The following LIPA variants were observed in gnomAD, a reference collection of about 807,000 sequenced individuals.
The protein encoded by LIPA is lysosomal acid lipase/cholesteryl ester hydrolase.
Under a neutral mutation model 40.6 loss-of-function variants are expected in LIPA, and 26 were observed. The ratio of observed to expected loss-of-function variants is 0.64; its 90% confidence interval spans 0.47 to 0.89. LIPA has a LOEUF of 0.89. Among genes scored for constraint, LIPA ranks in the 40% least tolerant of loss-of-function variants. LIPA has a pLI of 0.00. For synonymous variants in LIPA, 188 were observed against 168.4 expected, an observed-to-expected ratio of 1.12 and a Z score of -0.90; for missense variants, 455 against 479.6, an observed-to-expected ratio of 0.95 and a Z score of 0.48.
At chr10:89,223,015 C>T (rs550628758) in intron 7 of LIPA, among the ~76,000 whole-genome samples, 5 of 151,808 alleles carry the variant, frequency 3.3e-5, no homozygotes, top group Non-Finnish European at 5.9e-5. Context: ...TTTAGAAACA[C>T]GGGCATAGTA....
intron 1 of LIPA, chr10:89,338,437 G>A (rs1843783130): frequency 1.9e-6 from 1 of 529,594 alleles, no homozygotes; most frequent in Admixed American, 3.3e-5. Context: ...TCAACAGAAT[G>A]GATAATGCCC....
Position 89,229,860 on chromosome 10 carries a change from AG to A in LIPA, c.230-1463del, listed in dbSNP as rs571237910. ...CCACTCTGTGAGGGATGTTCATAAC[AG>A]GGGAGTGTGGGGGCAGAGGGTGTAT... is the stretch of plus-strand genomic sequence containing the variant. On this transcript the variant is annotated intron_variant, in intron 3 of 9. Coordinates refer to ENST00000336233, the MANE Select transcript of LIPA (RefSeq NM_000235.4). Among the ~76,000 whole-genome samples the A allele has an allele frequency of 1.8e-4, 28 of 152,284 alleles. 1 individual carries two copies. The East Asian group carries it at 5.0e-3, about 27-fold the overall frequency.
intron 1 of LIPA, among the ~76,000 whole-genome samples, chr10:89,248,114 C>T (rs1212035901): frequency 1.3e-5 from 2 of 151,408 alleles, no homozygotes; most frequent in Non-Finnish European, 2.9e-5. Context: ...ATTCGCCCAC[C>T]TCGGCCTCTC....
At chr10:89,299,615 C>T (rs1168200679) in intron 1 of LIPA, among the ~76,000 whole-genome samples, 1 of 152,112 alleles carries the variant, frequency 6.6e-6, no homozygotes. Flanking sequence ...GGAAAAGCAT[C>T]TCATCACCTA....
chr10:89,226,876 A>C lies in LIPA; in HGVS notation c.538+19T>G, dbSNP rs1482963649. 7.5e-7 allele frequency: 1 copy of C among 1,334,054 alleles called. No individual in the cohort carries two copies. The allele number at this position is 1,334,054 out of a possible 1,614,324, so 82.6% of individuals were successfully genotyped here. The stretch of plus-strand genomic sequence containing the variant: ...AATGAAGAATTTATATCAACTTCTG[A>C]TCTTATTTACATACATACCTATAGT... On this transcript the variant is annotated intron_variant, in intron 5 of 9. Transcript: ENST00000336233.
intron 2 of LIPA, among the ~76,000 whole-genome samples, chr10:89,406,994 G>A (rs183597811): frequency 2.6e-4 from 39 of 152,258 alleles, no homozygotes; most frequent in East Asian, 5.8e-4. Context: ...TAGTGTGGCC[G>A]CCAGACTAAA....
intron 1 of LIPA, among the ~76,000 whole-genome samples, chr10:89,289,369 C>T (rs1021140644): frequency 5.3e-5 from 8 of 152,210 alleles, no homozygotes; most frequent in African/African-American, 1.9e-4. Context: ...TATTCTACTG[C>T]TCCTCAGGGA....
intron 1 of LIPA, among the ~76,000 whole-genome samples, chr10:89,332,850 A>T (rs1332331): frequency 0.01 from 1,521 of 151,888 alleles, 22 homozygotes; most frequent in African/African-American, 0.035. Flanking sequence ...CTGGGAAGGG[A>T]CGGGGCATAT....
At position 89,388,136 on chromosome 10, in the gene LIPA, C is replaced by T. The variant is rs751916777; in HGVS notation, c.61+24655G>A. Among the ~76,000 whole-genome samples, 45 of 151,830 alleles carry T rather than the reference C, an allele frequency of 3.0e-4. 1 individual carries two copies. The highest frequency in any genetic ancestry group is 1.8e-3 in the Admixed American group (28 of 15,248). On this transcript the variant is annotated intron_variant, in intron 2 of 8. Transcript: ENST00000371837. Reference sequence around the variant, plus strand: ...TTCTTTTTTTTTTGAGACAGTGTCTCGCTCTGTCACCCAGGCTGGAGTGCA... The same window carrying T: ...TTCTTTTTTTTTTGAGACAGTGTCTTGCTCTGTCACCCAGGCTGGAGTGCA...
intron 2 of LIPA, among the ~76,000 whole-genome samples, chr10:89,349,086 T>C (rs761758271): frequency 5.3e-5 from 8 of 152,230 alleles, no homozygotes; most frequent in Non-Finnish European, 1.0e-4. Flanking sequence ...GGATTTTCTC[T>C]GAGCTCCCTT....
At chr10:89,243,937 T>C (rs1842993396) in intron 3 of LIPA, among the ~76,000 whole-genome samples, 1 of 152,216 alleles carries the variant, frequency 6.6e-6, no homozygotes, top group African/African-American at 2.4e-5. Context: ...TAAAGCATTT[T>C]TCTTTATACA....
intron 6 of LIPA, among the ~76,000 whole-genome samples, chr10:89,224,302 AT>A (rs1273821089): frequency 1.3e-5 from 2 of 152,046 alleles, no homozygotes; most frequent in Non-Finnish European, 2.9e-5. Flanking sequence ...GTTTTTTAAA[AT>A]TTTTTTTATT....
chr10:89,393,430 T>C, intron 2 of LIPA: 1 of 661,882 alleles, frequency 1.5e-6, no homozygotes, highest in Non-Finnish European at 2.2e-6. Context: ...ATTTCTCAGC[T>C]GATTTAAAAA....
intron 1 of LIPA, chr10:89,301,921 A>G: frequency 1.9e-6 from 1 of 517,880 alleles, no homozygotes; most frequent in Non-Finnish European, 3.5e-6. Context: ...AGAAAAAAAG[A>G]AAAAGAGTCC....
chr10:89,257,464 G>C (rs1843186999), intron 1 of LIPA, among the ~76,000 whole-genome samples: 1 of 152,136 alleles, frequency 6.6e-6, no homozygotes. Context: ...ACTAATAGCA[G>C]TTCTGCTTCC....
chr10:89,297,862 C>T (rs1843424077), intron 1 of LIPA, among the ~76,000 whole-genome samples: 2 of 152,180 alleles, frequency 1.3e-5, no homozygotes, highest in South Asian at 4.1e-4. Flanking sequence ...GCCAGATGGC[C>T]GCCTGTCTGG....
chr10:89,347,814 T>C (rs1163722853), intron 2 of LIPA, among the ~76,000 whole-genome samples: 1 of 152,194 alleles, frequency 6.6e-6, no homozygotes, highest in East Asian at 1.9e-4. Context: ...GTGGACCTGA[T>C]CACCTTCCTG....
chr10:89,260,443 C>A (rs1385960666), intron 1 of LIPA, among the ~76,000 whole-genome samples: 1 of 152,216 alleles, frequency 6.6e-6, no homozygotes, highest in African/African-American at 2.4e-5. Context: ...AGGCCCAACT[C>A]ACCTGGCTTA....
intron 1 of LIPA, among the ~76,000 whole-genome samples, chr10:89,282,315 C>A (rs1843319904): frequency 6.6e-6 from 1 of 152,092 alleles, no homozygotes; most frequent in Admixed American, 6.6e-5. Flanking sequence ...ACAGCTGAGG[C>A]CAAAACTCAT....
Sources: allele counts gnomAD v4.1 joint callset (sites outside exome capture counted in the v4.1 genomes callset), GRCh38; gene constraint gnomAD v4.1.1; transcripts MANE v1.5; gene names NCBI Gene and HGNC (gene_info 2026-07-23, HGNC 2026-07-21).